The following MARK1 variants were observed in gnomAD, a reference collection of about 807,000 sequenced individuals.
The protein encoded by MARK1 is microtubule affinity regulating kinase 1.
A neutral mutation model predicts 96.3 loss-of-function variants in MARK1; 40 were observed. The observed-to-expected ratio is 0.42, with a 90% CI of 0.32 to 0.54. The LOEUF (loss-of-function observed/expected upper bound fraction) is 0.54. MARK1 is among the 20% of genes least tolerant of loss of function. The pLI is 0.16. For missense variants in MARK1, 719 were observed against 984.6 expected, an observed-to-expected ratio of 0.73 and a Z score of 3.61; for synonymous variants, 317 against 341.2, an observed-to-expected ratio of 0.93 and a Z score of 0.78.
chr1:220,653,926 A>G (rs1211293791), intron 16 of MARK1, among the ~76,000 whole-genome samples: 2 of 152,244 alleles, frequency 1.3e-5, no homozygotes, highest in African/African-American at 4.8e-5. Context: ...TACTATGCTT[A>G]CTATGCATAC....
At chr1:220,537,133 A>T (rs573347162) in intron 1 of MARK1, among the ~76,000 whole-genome samples, 1 of 151,102 alleles carries the variant, frequency 6.6e-6, no homozygotes, top group Non-Finnish European at 1.5e-5. Context: ...ACATGTGCAC[A>T]ATGTGCAGGT....
intron 3 of MARK1, among the ~76,000 whole-genome samples, chr1:220,595,785 A>G (rs557121562): frequency 6.6e-6 from 1 of 152,318 alleles, no homozygotes; most frequent in Admixed American, 6.5e-5. Flanking sequence ...GAATGGTTGT[A>G]CCAAGACCAG....
chr1:220,532,388 A>G (rs549854058), intron 1 of MARK1, among the ~76,000 whole-genome samples: 6 of 152,264 alleles, frequency 3.9e-5, no homozygotes, highest in African/African-American at 1.4e-4. Context: ...CATAGCATCT[A>G]ATTGCCTGAC....
At chr1:220,628,891 G>A (rs1667506273) in intron 9 of MARK1, among the ~76,000 whole-genome samples, 1 of 151,068 alleles carries the variant, frequency 6.6e-6, no homozygotes, top group African/African-American at 2.4e-5. Flanking sequence ...GTTCAAGCCT[G>A]GGCAACATAG....
intron 1 of MARK1, among the ~76,000 whole-genome samples, chr1:220,548,558 G>A (rs1475630091): frequency 6.6e-6 from 1 of 152,130 alleles, no homozygotes; most frequent in African/African-American, 2.4e-5. Flanking sequence ...CGGCCAACAT[G>A]GCGAAACTCC....
intron 1 of MARK1, among the ~76,000 whole-genome samples, chr1:220,542,652 A>G (rs919937027): frequency 6.6e-6 from 1 of 152,256 alleles, no homozygotes; most frequent in African/African-American, 2.4e-5. Flanking sequence ...ATTTGACTCC[A>G]GGGTAACTAA....
intron 1 of MARK1, among the ~76,000 whole-genome samples, chr1:220,565,367 T>C (rs534941042): frequency 6.6e-6 from 1 of 152,342 alleles, no homozygotes; most frequent in East Asian, 1.9e-4. Flanking sequence ...CCAGTATCCC[T>C]ATGGTAATAT....
At chr1:220,592,622 G>A (rs1239859605) in intron 3 of MARK1, among the ~76,000 whole-genome samples, 1 of 152,184 alleles carries the variant, frequency 6.6e-6, no homozygotes, top group Non-Finnish European at 1.5e-5. Flanking sequence ...AGCGACAAAT[G>A]TATGTTGTAA....
At chr1:220,586,852 C>T (rs190873954) in intron 3 of MARK1, among the ~76,000 whole-genome samples, 1 of 152,244 alleles carries the variant, frequency 6.6e-6, no homozygotes, top group Non-Finnish European at 1.5e-5. Flanking sequence ...TTTTTCTAAG[C>T]TTGGCAGTTT....
At chr1:220,530,331 G>A (rs1660231456) in intron 1 of MARK1, among the ~76,000 whole-genome samples, 1 of 152,142 alleles carries the variant, frequency 6.6e-6, no homozygotes, top group Non-Finnish European at 1.5e-5. Context: ...TTGATTGAGA[G>A]ATTGAACAAG....
rs1669512083 is a variant in MARK1, at chr1:220,662,108, G to C, written c.2330G>C (p.Gly777Ala). ...LNGVRFKRIS[G>A]TSIAFKNIAS... Reference sequence around the variant, plus strand: ...GGGGTTCGCTTCAAGCGAATATCTGGGACATCTATTGCCTTTAAGAACATT... The same window carrying C: ...GGGGTTCGCTTCAAGCGAATATCTGCGACATCTATTGCCTTTAAGAACATT... The change falls in exon 18 of 18, where the codon GGG (glycine) becomes GCG (alanine). Residue 777 changes from glycine (G) to alanine (A), a missense_variant. This residue lies in a region of MARK1 where 17 missense variants were observed against 49.7 expected (regional missense o/e 0.34). Transcript: ENST00000366917. The C allele has an allele frequency of 6.2e-7, 1 of 1,614,064 alleles. No homozygotes were observed.
chr1:220,604,740 TTTTTAA>T (rs1436585358), intron 6 of MARK1, among the ~76,000 whole-genome samples: 1 of 152,006 alleles, frequency 6.6e-6, no homozygotes, highest in Non-Finnish European at 1.5e-5. Flanking sequence ...TAGAATTTTA[TTTTTAA>T]TTTTTAGAAC....
At chr1:220,620,518 A>T (rs1666998078) in intron 9 of MARK1, among the ~76,000 whole-genome samples, 1 of 152,180 alleles carries the variant, frequency 6.6e-6, no homozygotes, top group Non-Finnish European at 1.5e-5. Context: ...ACATACAAAA[A>T]TTATTTTGGG....
intron 16 of MARK1, among the ~76,000 whole-genome samples, chr1:220,655,922 C>T (rs1204965012): frequency 6.6e-6 from 1 of 152,168 alleles, no homozygotes; most frequent in Non-Finnish European, 1.5e-5. Context: ...CACACAGGGA[C>T]CAGACTGTCC....
chr1:220,587,436 T>C (rs1664714524), intron 3 of MARK1, among the ~76,000 whole-genome samples: 2 of 152,014 alleles, frequency 1.3e-5, no homozygotes, highest in South Asian at 4.2e-4. Flanking sequence ...TGGCGTGATC[T>C]CTGCTCACTG....
chr1:220,572,284 C>G (rs533664120), intron 1 of MARK1, among the ~76,000 whole-genome samples: 1 of 152,120 alleles, frequency 6.6e-6, no homozygotes, highest in Non-Finnish European at 1.5e-5. Context: ...TCTTTTTGCC[C>G]AGGCTGGAGT....
At chr1:220,619,516 C>A (rs948716660) in intron 9 of MARK1, among the ~76,000 whole-genome samples, 2 of 152,060 alleles carry the variant, frequency 1.3e-5, no homozygotes, top group Non-Finnish European at 2.9e-5. Context: ...AACCTCTCAA[C>A]TTTAGTAAAG....
At chr1:220,554,402 G>T (rs1183459213) in intron 1 of MARK1, among the ~76,000 whole-genome samples, 1 of 152,232 alleles carries the variant, frequency 6.6e-6, no homozygotes, top group African/African-American at 2.4e-5. Context: ...GTTATCACAA[G>T]TAGAGGTTGG....
chr1:220,632,414 C>A (rs113218492), intron 11 of MARK1, 101 bp downstream of exon 11: 10 of 516,726 alleles, frequency 1.9e-5, no homozygotes, highest in African/African-American at 1.6e-4. Context: ...AAGATCCTAC[C>A]CTAACATTCT....
Sources: allele counts gnomAD v4.1 joint callset (sites outside exome capture counted in the v4.1 genomes callset), GRCh38; gene constraint gnomAD v4.1.1; regional missense constraint gnomAD v4.1.1; transcripts MANE v1.5; gene names NCBI Gene and HGNC (gene_info 2026-07-23, HGNC 2026-07-21).